The following CSMD1 variants were observed in gnomAD, a reference collection of about 807,000 sequenced individuals.
The protein encoded by CSMD1 is CUB and sushi domain-containing protein 1.
CSMD1 carries 213 observed loss-of-function variants against 417.5 expected under a neutral mutation model. The ratio of observed to expected loss-of-function variants is 0.51; its 90% CI spans 0.46 to 0.57. The LOEUF (loss-of-function observed/expected upper bound fraction) is 0.57. CSMD1 is among the 20% of genes least tolerant of loss of function. The pLI is 0.00. For missense variants in CSMD1, 6,923 were observed against 4,529.7 expected (o/e 1.53, Z -15.17); for synonymous variants, 2,862 against 1,736.8 (o/e 1.65, Z -16.11).
intron 5 of CSMD1, among the ~76,000 whole-genome samples, chr8:3,953,409 A>G (rs1265663664): frequency 6.6e-6 from 1 of 152,196 alleles, no homozygotes; most frequent in Non-Finnish European, 1.5e-5. Context: ...ATGTGTAATG[A>G]GTATATAGAA....
At chr8:4,022,180 A>ATG (rs35968906) in intron 4 of CSMD1, among the ~76,000 whole-genome samples, 63 of 137,920 alleles carry the variant, frequency 4.6e-4, no homozygotes, top group African/African-American at 1.1e-3. Context: ...ATGTATATTT[A>ATG]TGTGTATATA....
intron 1 of CSMD1, among the ~76,000 whole-genome samples, chr8:4,840,117 G>C (rs1391766121): frequency 2.3e-4 from 3 of 12,882 alleles, no homozygotes; most frequent in Non-Finnish European, 6.2e-4. Flanking sequence ...TAGACTCCAC[G>C]GAGGCACTTG....
chr8:4,671,833 A>T (rs993200753), intron 1 of CSMD1, among the ~76,000 whole-genome samples: 2 of 152,182 alleles, frequency 1.3e-5, no homozygotes, highest in Admixed American at 1.3e-4. Flanking sequence ...CTTACGTTTG[A>T]GGAGTTTCAT....
intron 1 of CSMD1, among the ~76,000 whole-genome samples, chr8:4,783,268 T>A (rs984336248): frequency 1.3e-5 from 2 of 152,340 alleles, no homozygotes; most frequent in African/African-American, 4.8e-5. Context: ...GAAATCAAGA[T>A]GGTGAATAAT....
intron 14 of CSMD1, among the ~76,000 whole-genome samples, chr8:3,406,652 C>T (rs745923699): frequency 6.6e-6 from 1 of 152,116 alleles, no homozygotes; most frequent in Non-Finnish European, 1.5e-5. Flanking sequence ...GAATGAGAGA[C>T]TACTAAATTT....
At chr8:3,810,313 AC>A (rs1800994738) in intron 5 of CSMD1, among the ~76,000 whole-genome samples, 1 of 152,208 alleles carries the variant, frequency 6.6e-6, no homozygotes, top group Non-Finnish European at 1.5e-5. Flanking sequence ...CAAAACCCAA[AC>A]AACCAGAGCC....
intron 5 of CSMD1, among the ~76,000 whole-genome samples, chr8:3,922,626 T>C (rs1369405298): frequency 6.6e-6 from 1 of 152,186 alleles, no homozygotes; most frequent in Non-Finnish European, 1.5e-5. Context: ...TTGTGGCTGA[T>C]AAAAATGTAA....
chr8:4,910,229 A>C (rs906728543), intron 1 of CSMD1, among the ~76,000 whole-genome samples: 2 of 152,194 alleles, frequency 1.3e-5, no homozygotes, highest in African/African-American at 2.4e-5. Context: ...TCATCTTGGG[A>C]AATGTGACTA....
At chr8:4,057,982 T>C (rs1300101044) in intron 3 of CSMD1, among the ~76,000 whole-genome samples, 1 of 151,384 alleles carries the variant, frequency 6.6e-6, no homozygotes, top group Admixed American at 6.6e-5. Context: ...CCTCCAGCTT[T>C]GTTCTTTTGC....
chr8:3,407,068 T>C (rs1354268328), intron 14 of CSMD1, among the ~76,000 whole-genome samples: 3 of 151,816 alleles, frequency 2.0e-5, no homozygotes, highest in East Asian at 3.9e-4. Context: ...GCTGGATGAA[T>C]GGAGGGATGG....
At chr8:3,293,060 G>A (rs893392230) in intron 25 of CSMD1, among the ~76,000 whole-genome samples, 1 of 152,040 alleles carries the variant, frequency 6.6e-6, no homozygotes, top group African/African-American at 2.4e-5. Flanking sequence ...TGTGTGTAAA[G>A]TATTTTATTT....
At chr8:4,365,221 G>C (rs929065873) in intron 3 of CSMD1, among the ~76,000 whole-genome samples, 6 of 152,124 alleles carry the variant, frequency 3.9e-5, no homozygotes, top group Non-Finnish European at 8.8e-5. Context: ...TAAAAAAAGA[G>C]TTTTGTTAAT....
chr8:4,445,469 TAAG>T lies in CSMD1; in HGVS notation c.303-25407_303-25405del, dbSNP rs561952080. Among the ~76,000 whole-genome samples the T allele has an allele frequency of 3.0e-3, 460 of 152,342 alleles. 1 individual carries two copies. The highest frequency in any genetic ancestry group is 4.6e-3 in the Non-Finnish European group (310 of 68,024). On this transcript the variant is annotated intron_variant, in intron 2 of 69. Coordinates refer to ENST00000635120, the MANE Select transcript of CSMD1 (RefSeq NM_033225.6). The stretch of plus-strand genomic sequence containing the variant: ...AATTTATACCCTCCAGTGAGTCACT[TAAG>T]AAAGTCAAAGTCTTTGCTTTCATAA...
chr8:4,528,444 A>G (rs1257047221), intron 2 of CSMD1, among the ~76,000 whole-genome samples: 1 of 152,248 alleles, frequency 6.6e-6, no homozygotes, highest in East Asian at 1.9e-4. Context: ...TCTACCACAG[A>G]TATGAAAATA....
intron 5 of CSMD1, among the ~76,000 whole-genome samples, chr8:3,869,541 G>C (rs1352678376): frequency 6.6e-6 from 1 of 152,112 alleles, no homozygotes; most frequent in Non-Finnish European, 1.5e-5. Flanking sequence ...ATTTCTTCCT[G>C]AGAGTGCCTG....
intron 3 of CSMD1, among the ~76,000 whole-genome samples, chr8:4,039,453 A>C (rs1373283282): frequency 1.3e-5 from 2 of 152,184 alleles, no homozygotes; most frequent in Non-Finnish European, 1.5e-5. Flanking sequence ...CTAGTCTTGA[A>C]ACCTTACATT....
intron 1 of CSMD1, among the ~76,000 whole-genome samples, chr8:4,681,653 A>G (rs1806060010): frequency 1.3e-5 from 2 of 152,156 alleles, no homozygotes; most frequent in African/African-American, 4.8e-5. Context: ...TGGCACGTCA[A>G]TCCTGCTCTC....
chr8:4,008,128 G>C (rs1585122938), intron 4 of CSMD1, among the ~76,000 whole-genome samples: 1 of 152,152 alleles, frequency 6.6e-6, no homozygotes, highest in African/African-American at 2.4e-5. Context: ...AGTCAAGGCA[G>C]GTAGAGAAAA....
chr8:3,230,183 G>A lies in CSMD1; in HGVS notation c.4202C>T (p.Thr1401Ile). Residue 1401 changes from threonine (T) to isoleucine (I), a missense_variant, in exon 27 of 70, where the codon ACC (threonine) becomes ATC (isoleucine). Physicochemically the swap from Thr to Ile is moderately conservative, Grantham distance 89. Coordinates refer to ENST00000635120, the MANE Select transcript of CSMD1 (RefSeq NM_033225.6). ...AGCCTCTCTGCTGTCTCCATAGCGG[G>A]TGCCATTTTGGGGCATACCTGGATC... The part of the protein sequence containing the change: ...CNDPGMPQNG[T>I]RYGDSREAGD... 2 of 1,611,728 alleles carry A rather than the reference G, an allele frequency of 1.2e-6. No homozygotes were observed. Among genetic ancestry groups the A allele is most frequent in the Non-Finnish European group, 8.5e-7 (1 of 1,178,884 alleles).
Sources: allele counts gnomAD v4.1 joint callset (sites outside exome capture counted in the v4.1 genomes callset), GRCh38; gene constraint gnomAD v4.1.1; transcripts MANE v1.5; gene names NCBI Gene and HGNC (gene_info 2026-07-23, HGNC 2026-07-21).